TAFA5: variants seen among roughly 807,000 people sequenced by gnomAD.
The protein encoded by TAFA5 is TAFA chemokine like family member 5, also known as chemokine-like protein TAFA-5.
TAFA5 carries 6 observed loss-of-function variants against 15.3 expected under a neutral mutation model. That is an observed-to-expected ratio of 0.39 (90% CI 0.21 to 0.77). The LOEUF (loss-of-function observed/expected upper bound fraction) is 0.77, where lower values mean the gene tolerates loss of function less well. Among genes scored for constraint, TAFA5 ranks in the 30% least tolerant of loss-of-function variants. The pLI is 0.41. For synonymous variants in TAFA5, 103 were observed against 80.7 expected (o/e 1.28, Z -1.48); for missense variants, 161 against 193.1 (o/e 0.83, Z 0.98).
chr22:48,633,524 GTCTGTCTGTCTCTCCC>G (rs1569056589), intron 1 of TAFA5, among the ~76,000 whole-genome samples: 1 of 90,196 alleles, frequency 1.1e-5, no homozygotes, highest in African/African-American at 4.8e-5. Context: ...CTGTCTGTCT[GTCTGTCTGTCTCTCCC>G]TCTCTCTCTC....
At chr22:48,533,064 C>T (rs73888443) in intron 1 of TAFA5, among the ~76,000 whole-genome samples, 4,907 of 152,158 alleles carry the variant, frequency 0.032, 260 homozygotes, top group African/African-American at 0.11. Flanking sequence ...CTGACAGGTG[C>T]GGGCGGAGGT....
At chr22:48,689,105 T>A (rs974140643) in intron 2 of TAFA5, among the ~76,000 whole-genome samples, 3 of 151,874 alleles carry the variant, frequency 2.0e-5, no homozygotes, top group Non-Finnish European at 4.4e-5. Context: ...CCCTCCAGCC[T>A]CTGCACCTGC....
intron 1 of TAFA5, among the ~76,000 whole-genome samples, chr22:48,646,242 G>A (rs538643825): frequency 1.5e-4 from 23 of 152,216 alleles, no homozygotes; most frequent in Admixed American, 4.6e-4. Flanking sequence ...TCTCCAGCAG[G>A]TGCCTGATTG....
At chr22:48,559,175 G>A (rs1317228656) in intron 1 of TAFA5, among the ~76,000 whole-genome samples, 1 of 152,206 alleles carries the variant, frequency 6.6e-6, no homozygotes, top group Admixed American at 6.5e-5. Context: ...GCCGCCCGGG[G>A]CCATGGTGTT....
At position 48,706,129 on chromosome 22, in the gene TAFA5, C is replaced by T. The variant is rs1929071037; in HGVS notation, c.263-1588C>T. Among the ~76,000 whole-genome samples, 4 of 152,174 alleles carry T rather than the reference C, an allele frequency of 2.6e-5. No homozygotes were observed. In the East Asian group the frequency reaches 7.7e-4, roughly 29 times the overall value. On this transcript the variant is annotated intron_variant, in intron 2 of 3. Coordinates refer to ENST00000402357, the MANE Select transcript of TAFA5 (RefSeq NM_001082967.3). ...GGCCTGGTGTGGGTGACAGAGAGGC[C>T]TTCCCTACTCTGCAGGGCTGGCAAC... is the stretch of plus-strand genomic sequence containing the variant.
chr22:48,542,785 CAT>C (rs775597780), intron 1 of TAFA5, among the ~76,000 whole-genome samples: 18 of 111,922 alleles, frequency 1.6e-4, no homozygotes, highest in Middle Eastern at 8.3e-3. Flanking sequence ...TGGTGTATGT[CAT>C]GTGTGGTGTA....
chr22:48,638,644 CCA>C (rs1491185209), intron 1 of TAFA5, among the ~76,000 whole-genome samples: 154 of 112,670 alleles, frequency 1.4e-3, no homozygotes, highest in Non-Finnish European at 2.4e-3. Context: ...ACAACCCCCC[CCA>C]CACACTAAGC....
At chr22:48,591,937 C>T (rs1397013886) in intron 1 of TAFA5, among the ~76,000 whole-genome samples, 1 of 152,212 alleles carries the variant, frequency 6.6e-6, no homozygotes, top group African/African-American at 2.4e-5. Flanking sequence ...GGATGCAGTG[C>T]CCCAGCCTCA....
intron 1 of TAFA5, among the ~76,000 whole-genome samples, chr22:48,571,850 T>C (rs1188121851): frequency 2.6e-5 from 4 of 152,104 alleles, no homozygotes; most frequent in Non-Finnish European, 5.9e-5. Flanking sequence ...CACCTTTCTA[T>C]GTGCTCTCCA....
intron 2 of TAFA5, among the ~76,000 whole-genome samples, chr22:48,704,623 G>A (rs947030645): frequency 6.6e-6 from 1 of 151,930 alleles, no homozygotes; most frequent in Non-Finnish European, 1.5e-5. Context: ...GGAAGCCGGG[G>A]GGTTCCCTAT....
In TAFA5 at chr22:48,593,901, G is replaced by T. The variant is rs911231441; in HGVS notation, c.113-52696G>T. 2.6e-5 allele frequency among the ~76,000 whole-genome samples: 4 copies of T among 152,232 alleles called. No homozygotes were observed. In the South Asian group the frequency reaches 6.2e-4, roughly 24 times the overall value. On this transcript the variant is annotated intron_variant, in intron 1 of 3. Transcript: ENST00000402357. ...AAGGGGACCTCACAGCACACAGAGT[G>T]CACGGCGCTGCAGCCCAAGGAGACC...
At position 48,566,104 on chromosome 22, in the gene TAFA5, GGATA is replaced by G. The variant is rs1415701706; in HGVS notation, c.112+76408_112+76411del. Among the ~76,000 whole-genome samples the G allele has an allele frequency of 4.0e-5, 6 of 151,576 alleles. No homozygotes were observed. The highest frequency in any genetic ancestry group is 2.1e-4 in the South Asian group (1 of 4,776). On this transcript the variant is annotated intron_variant, in intron 1 of 3. Coordinates refer to ENST00000402357, the MANE Select transcript of TAFA5 (RefSeq NM_001082967.3). This position sits in a 1 kb window ranked among gnomAD's most constrained non-coding sequence, Gnocchi z 4.5. Reference sequence around the variant, plus strand: ...TGATGGATGAATGATAGGTGGATATGGATAGATAGATGATGGATGGATGGATGAT... The same window carrying G: ...TGATGGATGAATGATAGGTGGATATGGATAGATGATGGATGGATGGATGAT...
chr22:48,651,628 G>T (rs1297796173), intron 2 of TAFA5, among the ~76,000 whole-genome samples: 1 of 152,218 alleles, frequency 6.6e-6, no homozygotes. Context: ...CTCTCAGGCA[G>T]TGTGGATGGT....
chr22:48,726,879 C>T (rs1304845984), intron 3 of TAFA5, among the ~76,000 whole-genome samples: 1 of 152,202 alleles, frequency 6.6e-6, no homozygotes, highest in African/African-American at 2.4e-5. Context: ...GGCCACGTTC[C>T]ATAGGACGGG....
At chr22:48,695,227 C>T (rs1928673576) in intron 2 of TAFA5, among the ~76,000 whole-genome samples, 1 of 152,068 alleles carries the variant, frequency 6.6e-6, no homozygotes, top group African/African-American at 2.4e-5. Flanking sequence ...CTCCTTTTCC[C>T]ATGCTGTTGA....
chr22:48,617,094 C>G (rs1453733458), intron 1 of TAFA5, among the ~76,000 whole-genome samples: 1 of 152,150 alleles, frequency 6.6e-6, no homozygotes, highest in African/African-American at 2.4e-5. Context: ...AAAAGATGTC[C>G]GGGTTCTAAT....
chr22:48,623,531 G>A (rs1925927026), intron 1 of TAFA5, among the ~76,000 whole-genome samples: 1 of 152,200 alleles, frequency 6.6e-6, no homozygotes, highest in Admixed American at 6.5e-5. Context: ...CAGGTGTCTT[G>A]GCCAGGTCCC....
chr22:48,566,952 C>T lies in TAFA5; in HGVS notation c.112+77248C>T, dbSNP rs1459689367. On this transcript the variant is annotated intron_variant, in intron 1 of 3. Coordinates refer to ENST00000402357, the MANE Select transcript of TAFA5 (RefSeq NM_001082967.3). This position sits in a 1 kb window ranked among gnomAD's most constrained non-coding sequence, Gnocchi z 4.5. ...CTTTCTCCTTTGCTCCGCAGCACTGCTGCCTGCGGACTGGCCGCACTGGAT... is the reference window on the plus strand; with the variant it reads ...CTTTCTCCTTTGCTCCGCAGCACTGTTGCCTGCGGACTGGCCGCACTGGAT... Among the ~76,000 whole-genome samples, 1 of 152,232 alleles carries T rather than the reference C, an allele frequency of 6.6e-6. No individual in the cohort carries two copies. Among genetic ancestry groups the T allele is most frequent in the Non-Finnish European group, 1.5e-5 (1 of 68,044 alleles).
intron 3 of TAFA5, among the ~76,000 whole-genome samples, chr22:48,728,147 T>C (rs952003572): frequency 6.6e-6 from 1 of 152,188 alleles, no homozygotes; most frequent in African/African-American, 2.4e-5. Context: ...TTTCAATCAT[T>C]GTTGAAATCT....
Sources: gnomAD v4.1 joint callset for allele counts (sites outside exome capture counted in the v4.1 genomes callset) on GRCh38, gnomAD v4.1.1 for gene constraint, Gnocchi (gnomAD v3.1) non-coding constraint, MANE v1.5 for transcripts, NCBI Gene and HGNC (gene_info 2026-07-23, HGNC 2026-07-21) for gene names.